The following ZW10 variants were observed in gnomAD, a reference collection of about 807,000 sequenced individuals.
ZW10 encodes the protein centromere/kinetochore protein zw10 homolog.
In ZW10, 53 loss-of-function variants were observed where a neutral mutation model predicts 87.8. The observed-to-expected ratio is 0.60, with a 90% CI of 0.48 to 0.76. The LOEUF (loss-of-function observed/expected upper bound fraction) is 0.76, where lower values mean the gene tolerates loss of function less well. Among genes scored for constraint, ZW10 ranks in the 30% least tolerant of loss-of-function variants. The pLI is 0.00. For synonymous variants in ZW10, 312 were observed against 329.2 expected (o/e 0.95, Z 0.57); for missense variants, 837 against 923.0 (o/e 0.91, Z 1.21).
In ZW10 at chr11:113,736,718, C is replaced by G; in HGVS notation, c.2121G>C (p.Lys707Asn). 6.2e-7 allele frequency: 1 copy of G among 1,614,190 alleles called. No individual in the cohort carries two copies. Among genetic ancestry groups the G allele is most frequent in the Non-Finnish European group, 8.5e-7 (1 of 1,180,026 alleles). The change falls in exon 15 of 16, where the codon AAG (lysine) becomes AAC (asparagine). Residue 707 changes from lysine (K) to asparagine (N), a missense_variant. Transcript: ENST00000200135. ...AGACTGGAACCTCTTCTTGATATTT[C>G]TTGTTCTTGCTTTCTTCAGATAAAG... Reference protein sequence around the residue: ...FAPLSEESKNKKYQEEVPVYV... With the variant: ...FAPLSEESKNNKYQEEVPVYV...
intron 2 of ZW10, among the ~76,000 whole-genome samples, chr11:113,764,775 C>T (rs1250861692): frequency 6.6e-6 from 1 of 152,198 alleles, no homozygotes; most frequent in Non-Finnish European, 1.5e-5. Flanking sequence ...TTTAACAGTA[C>T]TGTGTTAACT....
chr11:113,753,484 C>T (rs532508487), intron 7 of ZW10, among the ~76,000 whole-genome samples: 1 of 152,286 alleles, frequency 6.6e-6, no homozygotes, highest in African/African-American at 2.4e-5. Flanking sequence ...CAGCTCACTG[C>T]ACCCTCCACC....
chr11:113,764,240 A>AC (rs1177171314), intron 2 of ZW10, among the ~76,000 whole-genome samples: 3 of 152,192 alleles, frequency 2.0e-5, no homozygotes, highest in African/African-American at 7.2e-5. Context: ...TGGTACCAGT[A>AC]CCATGCTGTT....
In ZW10 at chr11:113,733,665, C is replaced by G; in HGVS notation, c.*29G>C. 1 of 1,613,294 alleles carries G rather than the reference C, an allele frequency of 6.2e-7. No individual in the cohort carries two copies. The highest frequency in any genetic ancestry group is 8.5e-7 in the Non-Finnish European group (1 of 1,179,940). On this transcript the variant is annotated 3_prime_UTR_variant, in exon 16 of 16. Coordinates refer to ENST00000200135, the MANE Select transcript of ZW10 (RefSeq NM_004724.4). ...ATGCCAAGGGAAGAATCCACATATT[C>G]AAGACATAGCTTTCTTAAGAAGATG...
intron 7 of ZW10, among the ~76,000 whole-genome samples, chr11:113,752,233 G>C (rs191195493): frequency 5.8e-4 from 88 of 152,158 alleles, no homozygotes; most frequent in African/African-American, 2.1e-3. Context: ...TTTTGTTTTC[G>C]TACTTACGTC....
At chr11:113,734,804 C>CAA (rs34510374) in intron 15 of ZW10, among the ~76,000 whole-genome samples, 13,242 of 134,738 alleles carry the variant, frequency 0.098, 612 homozygotes, top group Middle Eastern at 0.18. Context: ...GACTCTGTCT[C>CAA]AAAAAAAAAA....
Position 113,738,285 on chromosome 11 carries a change from T to C in ZW10, c.1863A>G (p.Ala621=). Residue 621 remains alanine, a synonymous_variant, in exon 13 of 16, where the codon GCA becomes GCG. Transcript: ENST00000200135. ...SNMDDEENYS[A]ASKAVRQVLH... is the part of the protein sequence containing the mutation. ...CTACCTGCCGGACTGCTTTACTTGC[T>C]GCAGAATAATTCTCTTCATCGTCCA... The C allele has an allele frequency of 6.2e-7, 1 of 1,611,782 alleles. No individual in the cohort carries two copies. The highest frequency in any genetic ancestry group is 8.5e-7 in the Non-Finnish European group (1 of 1,178,980).
intron 4 of ZW10, 28 bp downstream of exon 4, chr11:113,760,485 C>A (rs371989701): frequency 1.2e-6 from 2 of 1,605,986 alleles, no homozygotes; most frequent in South Asian, 2.2e-5. Flanking sequence ...GCACTTATTG[C>A]GCATGCTTTG....
intron 9 of ZW10, among the ~76,000 whole-genome samples, chr11:113,746,075 G>T (rs770404407): frequency 6.6e-6 from 1 of 152,124 alleles, no homozygotes; most frequent in Non-Finnish European, 1.5e-5. Flanking sequence ...CAGAGGTCAG[G>T]GATGCTGCTA....
chr11:113,741,955 A>G (rs1450281600), intron 10 of ZW10, among the ~76,000 whole-genome samples, 190 bp from the exon 11 acceptor site: 1 of 152,248 alleles, frequency 6.6e-6, no homozygotes, highest in African/African-American at 2.4e-5. Flanking sequence ...TTTACTAACC[A>G]GACTACAATT....
chr11:113,747,411 T>C (rs1953690116), intron 9 of ZW10, 120 bp downstream of exon 9: 3 of 859,618 alleles, frequency 3.5e-6, no homozygotes, highest in Non-Finnish European at 5.2e-6. Flanking sequence ...GTAAAAAAGA[T>C]TGATAACTTG....
chr11:113,739,524 C>G (rs375549124), intron 11 of ZW10, 142 bp from the exon 12 acceptor site: 1 of 685,954 alleles, frequency 1.5e-6, no homozygotes, highest in African/African-American at 1.9e-5. Flanking sequence ...AAGATACAAT[C>G]TCATCACTCC....
In ZW10 at chr11:113,736,531, G is replaced by A. The variant is rs576543651; in HGVS notation, c.2219+89C>T. 49 of 1,355,528 alleles carry A rather than the reference G, an allele frequency of 3.6e-5. No homozygotes were observed. In the African/African-American group the frequency reaches 4.0e-4, roughly 11 times the overall value. The allele number at this position is 1,355,528 out of a possible 1,614,324, so 84.0% of individuals were successfully genotyped here. ...GAAAGTCTTGCATGACTAACATCAG[G>A]AAACAGGGAAAAGCCCTGCTATCAA... is the stretch of plus-strand genomic sequence containing the variant. On this transcript the variant is annotated intron_variant, in intron 15 of 15. Coordinates refer to ENST00000200135, the MANE Select transcript of ZW10 (RefSeq NM_004724.4).
intron 1 of ZW10, chr11:113,770,031 C>T: frequency 6.2e-6 from 1 of 161,514 alleles, no homozygotes; most frequent in Non-Finnish European, 1.4e-5. Flanking sequence ...GACTGGTTTG[C>T]TTTTTGGCAT....
intron 1 of ZW10, among the ~76,000 whole-genome samples, chr11:113,771,052 T>G (rs550745052): frequency 6.7e-6 from 1 of 148,792 alleles, no homozygotes. Context: ...CTCACCTCAC[T>G]GCAATTTCCA....
chr11:113,766,173 C>A (rs1953905136), intron 2 of ZW10, among the ~76,000 whole-genome samples: 1 of 151,172 alleles, frequency 6.6e-6, no homozygotes, highest in Non-Finnish European at 1.5e-5. Context: ...AAGTTCGAGA[C>A]CAGCCTGGGC....
intron 5 of ZW10, 55 bp downstream of exon 5, chr11:113,760,154 C>A: frequency 1.9e-6 from 3 of 1,569,728 alleles, no homozygotes; most frequent in South Asian, 1.2e-5. Context: ...TATATTCAGA[C>A]ACTACACTGG....
At chr11:113,748,117 A>G in intron 8 of ZW10, 140 bp downstream of exon 8, 1 of 691,806 alleles carries the variant, frequency 1.4e-6, no homozygotes, top group Non-Finnish European at 2.2e-6. Flanking sequence ...AAATGAAGTT[A>G]TATGGAATTT....
chr11:113,758,611 A>G lies in ZW10; in HGVS notation c.676T>C (p.Ser226Pro). ...AGAACAGAAAATGCCAAGAGGACAG[A>G]ACTGATGGGTGGCATAGGGGTCTTC... ...EEKTPMPPISSVLLAFSVLGE... is the reference protein window; with the variant it reads ...EEKTPMPPISPVLLAFSVLGE... Residue 226 changes from serine (S) to proline (P), a missense_variant, in exon 6 of 16, where the codon TCT becomes CCT. Physicochemically the swap from Ser to Pro is moderately conservative, Grantham distance 74. Transcript: ENST00000200135. The G allele has an allele frequency of 3.7e-6, 6 of 1,614,118 alleles. No homozygotes were observed. Among genetic ancestry groups the G allele is most frequent in the Non-Finnish European group, 5.1e-6 (6 of 1,179,982 alleles).
Sources: allele counts gnomAD v4.1 joint callset (sites outside exome capture counted in the v4.1 genomes callset), GRCh38; gene constraint gnomAD v4.1.1; transcripts MANE v1.5; gene names NCBI Gene and HGNC (gene_info 2026-07-23, HGNC 2026-07-21).